The following STK4 variants were observed in gnomAD, a reference collection of about 807,000 sequenced individuals.
STK4 encodes the protein serine/threonine-protein kinase 4.
STK4 carries 30 observed loss-of-function variants against 64.9 expected under a neutral mutation model. That is an observed-to-expected ratio of 0.46 (90% CI 0.35 to 0.63). STK4 has a LOEUF of 0.63. Ranked by LOEUF, STK4 falls within the 20% of genes least tolerant of loss-of-function variation. The pLI, the probability that STK4 is intolerant of heterozygous loss-of-function variation, is 0.01. For synonymous variants in STK4, 177 were observed against 199.0 expected, an observed-to-expected ratio of 0.89 and a Z score of 0.93; for missense variants, 466 against 598.5, an observed-to-expected ratio of 0.78 and a Z score of 2.31.
chr20:45,029,227 C>G (rs2068404161), intron 10 of STK4, among the ~76,000 whole-genome samples: 1 of 151,984 alleles, frequency 6.6e-6, no homozygotes, highest in African/African-American at 2.4e-5. Flanking sequence ...TGGCAGCTGC[C>G]CTCTTTAGGT....
chr20:44,989,025 A>T (rs1277261003), intron 5 of STK4, among the ~76,000 whole-genome samples: 1 of 152,078 alleles, frequency 6.6e-6, no homozygotes, highest in East Asian at 1.9e-4. Context: ...TTGTTTACTT[A>T]TTCATTAGTT....
chr20:45,038,738 A>G lies in STK4; in HGVS notation c.1305+13608A>G, dbSNP rs527650894. On this transcript the variant is annotated intron_variant, in intron 10 of 10. Coordinates refer to ENST00000372806, the MANE Select transcript of STK4 (RefSeq NM_006282.5). ...TGAGGACCCCAGAGGGCTTTCGTTT[A>G]TACTAATATTTACTGAATTAGAAAT... Among the ~76,000 whole-genome samples the G allele has an allele frequency of 4.8e-4, 73 of 152,176 alleles. No homozygotes were observed. In the Middle Eastern group the frequency reaches 0.01, roughly 21 times the overall value.
intron 10 of STK4, among the ~76,000 whole-genome samples, chr20:45,045,829 A>T (rs1265915611): frequency 6.6e-6 from 1 of 151,800 alleles, no homozygotes; most frequent in Non-Finnish European, 1.5e-5. Flanking sequence ...TTTTTTGAGA[A>T]GGAGTCTCGC....
rs2067671357 is a variant in STK4, at chr20:44,993,396, A to G, written c.526-1694A>G. Among the ~76,000 whole-genome samples, 3 of 152,182 alleles carry G rather than the reference A, an allele frequency of 2.0e-5. No individual in the cohort carries two copies. The South Asian group carries it at 6.2e-4, about 31-fold the overall frequency. The stretch of plus-strand genomic sequence containing the variant: ...CACTCATTGCTCTTATTAATTTTCA[A>G]AAACTTTCTAGCTATCCAAGTAACC... On this transcript the variant is annotated intron_variant, in intron 5 of 10. Transcript: ENST00000372806.
At chr20:45,045,766 C>T (rs2068683852) in intron 10 of STK4, among the ~76,000 whole-genome samples, 1 of 151,290 alleles carries the variant, frequency 6.6e-6, no homozygotes, top group Non-Finnish European at 1.5e-5. Flanking sequence ...ATGGGTTGTA[C>T]AGTAATTTTG....
In STK4 at chr20:44,966,564, G is replaced by T. The variant is rs1266482345; in HGVS notation, c.-5G>T. On this transcript the variant is annotated 5_prime_UTR_variant, in exon 1 of 11. Coordinates refer to ENST00000372806, the MANE Select transcript of STK4 (RefSeq NM_006282.5). ...GAGCGGGTCTGGGCGGCTGCTGGCA[G>T]CGCCATGGAGACGGTACAGCTGAGG... The T allele has an allele frequency of 2.4e-5, 31 of 1,266,054 alleles. No individual in the cohort carries two copies. Among genetic ancestry groups the T allele is most frequent in the Admixed American group, 4.2e-5 (1 of 23,892 alleles). The allele number at this position is 1,266,054 out of a possible 1,614,324, so 78.4% of individuals were successfully genotyped here. A position where few individuals can be genotyped will look rare whatever the true frequency, so the allele number is the denominator to read the frequency against.
intron 10 of STK4, among the ~76,000 whole-genome samples, chr20:45,025,629 G>C (rs2145384557): frequency 6.6e-6 from 1 of 152,132 alleles, no homozygotes; most frequent in African/African-American, 2.4e-5. Context: ...TCTCTACTGT[G>C]GAACATTTTC....
rs563049549 is a variant in STK4, at chr20:45,018,574, A to T, written c.1148-6399A>T. ...GTTAAGGAAAGGTGTCTTGCTGCTT[A>T]AAAAAAATTGAGTTACTGACATATA... On this transcript the variant is annotated intron_variant, in intron 9 of 10. Coordinates refer to ENST00000372806, the MANE Select transcript of STK4 (RefSeq NM_006282.5). Among the ~76,000 whole-genome samples the T allele has an allele frequency of 2.0e-5, 3 of 152,100 alleles. No individual in the cohort carries two copies. The East Asian group carries it at 5.8e-4, about 29-fold the overall frequency.
chr20:45,072,054 T>C (rs6073624), intron 10 of STK4, among the ~76,000 whole-genome samples: 18,951 of 152,258 alleles, frequency 0.12, 1,551 homozygotes, highest in East Asian at 0.22. Flanking sequence ...TGAGCTACCA[T>C]GCCCAGCGTG....
intron 9 of STK4, among the ~76,000 whole-genome samples, chr20:45,013,621 A>G (rs1016002745): frequency 1.3e-5 from 2 of 152,130 alleles, no homozygotes; most frequent in Middle Eastern, 3.2e-3. Context: ...CTGTTATATC[A>G]ATTCTTTGTT....
intron 10 of STK4, among the ~76,000 whole-genome samples, chr20:45,034,264 TA>T (rs2068492160): frequency 6.6e-6 from 1 of 151,876 alleles, no homozygotes; most frequent in Non-Finnish European, 1.5e-5. Context: ...AGTTGATTGG[TA>T]AAAACCAACA....
At chr20:45,000,555 T>C in intron 8 of STK4, 35 bp downstream of exon 8, 1 of 1,612,356 alleles carries the variant, frequency 6.2e-7, no homozygotes, top group Non-Finnish European at 8.5e-7. Flanking sequence ...CCTCAGACAT[T>C]GATGCTTGTT....
chr20:44,992,857 G>A (rs2067660188), intron 5 of STK4, among the ~76,000 whole-genome samples: 1 of 151,794 alleles, frequency 6.6e-6, no homozygotes, highest in African/African-American at 2.4e-5. Flanking sequence ...ACCACACCCG[G>A]CTAATTTTTT....
At chr20:44,982,490 T>A (rs1292670440) in intron 4 of STK4, among the ~76,000 whole-genome samples, 1 of 152,150 alleles carries the variant, frequency 6.6e-6, no homozygotes, top group African/African-American at 2.4e-5. Context: ...GCTTTGGTTA[T>A]TTCTTACTGG....
At chr20:44,969,738 C>G (rs1391589888) in intron 1 of STK4, among the ~76,000 whole-genome samples, 1 of 152,168 alleles carries the variant, frequency 6.6e-6, no homozygotes, top group East Asian at 1.9e-4. Flanking sequence ...CTGAAACCGT[C>G]TGGAACCTGG....
intron 10 of STK4, among the ~76,000 whole-genome samples, chr20:45,026,234 G>A (rs561470010): frequency 6.0e-5 from 9 of 150,732 alleles, no homozygotes; most frequent in East Asian, 1.9e-4. Context: ...CATTCTAGGC[G>A]AAGGAAAATA....
chr20:44,992,680 GT>G (rs1009479760), intron 5 of STK4, among the ~76,000 whole-genome samples: 2 of 147,870 alleles, frequency 1.4e-5, no homozygotes, highest in African/African-American at 4.9e-5. Flanking sequence ...CTAATGTACT[GT>G]TTTTTTTTTG....
intron 5 of STK4, among the ~76,000 whole-genome samples, chr20:44,991,749 A>C (rs1322152730): frequency 6.6e-6 from 1 of 152,024 alleles, no homozygotes; most frequent in Non-Finnish European, 1.5e-5. Context: ...TGCAGCCTCA[A>C]CCACCAGGCT....
chr20:45,066,423 T>C (rs1306788667), intron 10 of STK4, among the ~76,000 whole-genome samples: 4 of 152,224 alleles, frequency 2.6e-5, no homozygotes, highest in African/African-American at 9.6e-5. Context: ...CATACACGTG[T>C]GTACACGCAC....
Sources: allele counts gnomAD v4.1 joint callset (sites outside exome capture counted in the v4.1 genomes callset), GRCh38; gene constraint gnomAD v4.1.1; transcripts MANE v1.5; gene names NCBI Gene and HGNC (gene_info 2026-07-23, HGNC 2026-07-21).